The following ZDHHC14 variants were observed in gnomAD, a reference collection of about 807,000 sequenced individuals.
The protein encoded by ZDHHC14 is palmitoyltransferase ZDHHC14.
A neutral mutation model predicts 47.7 loss-of-function variants in ZDHHC14; 16 were observed. The ratio of observed to expected loss-of-function variants is 0.34; its 90% CI spans 0.23 to 0.51. The LOEUF (loss-of-function observed/expected upper bound fraction) is 0.51. Among genes scored for constraint, ZDHHC14 ranks in the 20% least tolerant of loss-of-function variants. ZDHHC14 has a pLI of 0.97. For missense variants in ZDHHC14, 515 were observed against 662.5 expected (o/e 0.78, Z 2.44); for synonymous variants, 293 against 278.9 (o/e 1.05, Z -0.50).
intron 6 of ZDHHC14, chr6:157,646,458 A>G (rs1287306628): frequency 1.3e-5 from 2 of 152,082 alleles, no homozygotes; most frequent in African/African-American, 2.4e-5. Context: ...TAAAAATACA[A>G]AAAAATGAGC....
At chr6:157,623,704 C>T (rs866032099) in intron 3 of ZDHHC14, among the ~76,000 whole-genome samples, 5 of 152,032 alleles carry the variant, frequency 3.3e-5, no homozygotes, top group Admixed American at 1.3e-4. Flanking sequence ...CACACACCAC[C>T]ACACCCAGCT....
At chr6:157,385,927 G>A (rs1281830558) in intron 1 of ZDHHC14, among the ~76,000 whole-genome samples, 1 of 152,148 alleles carries the variant, frequency 6.6e-6, no homozygotes, top group African/African-American at 2.4e-5. Flanking sequence ...TGTAAACTGA[G>A]ATTAATAATA....
intron 1 of ZDHHC14, among the ~76,000 whole-genome samples, chr6:157,412,770 C>T (rs912199099): frequency 6.6e-6 from 1 of 152,162 alleles, no homozygotes; most frequent in African/African-American, 2.4e-5. Flanking sequence ...TGCACGCCCA[C>T]GTCAGAATCA....
Position 157,494,760 on chromosome 6 carries a change from T to G in ZDHHC14, c.246-47825T>G, listed in dbSNP as rs138569069. Among the ~76,000 whole-genome samples, 74 of 152,350 alleles carry G rather than the reference T, an allele frequency of 4.9e-4. No homozygotes were observed. The East Asian group carries it at 0.013, about 26-fold the overall frequency. On this transcript the variant is annotated intron_variant, in intron 1 of 8. Coordinates refer to ENST00000359775, the MANE Select transcript of ZDHHC14 (RefSeq NM_024630.3). ...AATACAAAGGGAGACAATGATAAAT[T>G]GCATTTTATGGGCTCTAAGGTCTCA...
intron 1 of ZDHHC14, among the ~76,000 whole-genome samples, chr6:157,461,064 C>T (rs1430361390): frequency 6.6e-6 from 1 of 152,224 alleles, no homozygotes; most frequent in Non-Finnish European, 1.5e-5. Flanking sequence ...GGTTAAAATG[C>T]ACATGCAATT....
chr6:157,403,173 G>A (rs2250572), intron 1 of ZDHHC14, among the ~76,000 whole-genome samples: 127,425 of 152,240 alleles, frequency 0.84, 53,585 homozygotes, highest in Middle Eastern at 0.93. Flanking sequence ...TAGCACATCA[G>A]AGAAAATGTA....
chr6:157,599,965 T>C (rs376047990), intron 3 of ZDHHC14, among the ~76,000 whole-genome samples: 1 of 152,298 alleles, frequency 6.6e-6, no homozygotes, highest in East Asian at 1.9e-4. Context: ...GAAACATGAT[T>C]GTATAGGAAA....
chr6:157,468,621 T>A (rs1779279171), intron 1 of ZDHHC14, among the ~76,000 whole-genome samples: 1 of 152,254 alleles, frequency 6.6e-6, no homozygotes, highest in East Asian at 1.9e-4. Flanking sequence ...TGTCCAAGTT[T>A]ATGATAAAGC....
At chr6:157,472,114 C>T (rs1213109675) in intron 1 of ZDHHC14, among the ~76,000 whole-genome samples, 1 of 152,102 alleles carries the variant, frequency 6.6e-6, no homozygotes, top group Non-Finnish European at 1.5e-5. Flanking sequence ...GAGGAAGGGT[C>T]GGGGTGCTCA....
chr6:157,638,022 G>A (rs1359974780), intron 5 of ZDHHC14, among the ~76,000 whole-genome samples: 3 of 152,204 alleles, frequency 2.0e-5, no homozygotes, highest in Non-Finnish European at 4.4e-5. Context: ...AGCTTCTACT[G>A]TAAGTAAGCC....
At chr6:157,468,705 T>C (rs1443660087) in intron 1 of ZDHHC14, among the ~76,000 whole-genome samples, 2 of 152,228 alleles carry the variant, frequency 1.3e-5, no homozygotes, top group Non-Finnish European at 2.9e-5. Flanking sequence ...TTTCCTGTTT[T>C]ATGGAGAAGA....
rs939331314 is a variant in ZDHHC14 at position 157,602,272 on chromosome 6, C to G, written c.565+9126C>G. Among the ~76,000 whole-genome samples the G allele has an allele frequency of 3.3e-5, 5 of 150,376 alleles. 1 individual carries two copies. The highest frequency in any genetic ancestry group is 2.7e-4 in the Admixed American group (4 of 15,078). On this transcript the variant is annotated intron_variant, in intron 3 of 8. Transcript: ENST00000359775. ...CTGTAATCCCAGCACTTTGGGAGGT[C>G]AAGGTGGGCCAGTCACTTGAGGTCA... is the stretch of plus-strand genomic sequence containing the variant.
intron 1 of ZDHHC14, among the ~76,000 whole-genome samples, chr6:157,491,610 T>A (rs1173111527): frequency 6.6e-6 from 1 of 152,242 alleles, no homozygotes; most frequent in East Asian, 1.9e-4. Context: ...TGAATGTGAA[T>A]TTCTACATTA....
chr6:157,632,646 C>T, intron 4 of ZDHHC14, 188 bp from the exon 5 acceptor site: 1 of 644,666 alleles, frequency 1.6e-6, no homozygotes, highest in Non-Finnish European at 2.8e-6. Flanking sequence ...ATTATGAATC[C>T]TCCATTTTCT....
At chr6:157,596,762 C>T (rs1784150374) in intron 3 of ZDHHC14, among the ~76,000 whole-genome samples, 1 of 152,128 alleles carries the variant, frequency 6.6e-6, no homozygotes, top group Non-Finnish European at 1.5e-5. Flanking sequence ...TGAGATAGTG[C>T]CCACCACAGC....
intron 1 of ZDHHC14, among the ~76,000 whole-genome samples, chr6:157,384,091 T>TA (rs951153894): frequency 4.8e-4 from 73 of 152,256 alleles, no homozygotes; most frequent in African/African-American, 1.7e-3. Context: ...TACAGTTTTT[T>TA]AAAAAAAATC....
At chr6:157,651,183 G>A (rs190306470) in intron 7 of ZDHHC14, among the ~76,000 whole-genome samples, 38 of 152,334 alleles carry the variant, frequency 2.5e-4, no homozygotes, top group African/African-American at 7.2e-4. Flanking sequence ...TCGGAGGCTC[G>A]AAGCCTTAAA....
At chr6:157,595,336 C>T (rs996188270) in intron 3 of ZDHHC14, among the ~76,000 whole-genome samples, 15 of 151,626 alleles carry the variant, frequency 9.9e-5, no homozygotes, top group Non-Finnish European at 2.1e-4. Flanking sequence ...GGACTACAGG[C>T]GTATGTCACC....
chr6:157,386,481 T>TA (rs1437246449), intron 1 of ZDHHC14, among the ~76,000 whole-genome samples: 10 of 152,222 alleles, frequency 6.6e-5, no homozygotes, highest in African/African-American at 2.4e-4. Flanking sequence ...GACCTGTCCT[T>TA]ATCCAGACTG....
Sources: allele counts gnomAD v4.1 joint callset (sites outside exome capture counted in the v4.1 genomes callset), GRCh38; gene constraint gnomAD v4.1.1; transcripts MANE v1.5; gene names NCBI Gene and HGNC (gene_info 2026-07-23, HGNC 2026-07-21).